Variants in IDS observed in about 807,000 individuals in gnomAD.
The protein encoded by IDS is iduronate 2-sulfatase, also known as alpha-L-iduronate sulfate sulfatase.
Under a neutral mutation model 33.5 loss-of-function variants are expected in IDS, and 1 was observed. The observed-to-expected ratio is 0.03, with a 90% CI of 0.01 to 0.14. The LOEUF is 0.14. Ranked by LOEUF, IDS falls within the 10% of genes least tolerant of loss-of-function variation. IDS has a pLI of 1.00. For synonymous variants in IDS, 191 were observed against 184.4 expected (o/e 1.04, Z -0.29); for missense variants, 328 against 448.0 (o/e 0.73, Z 2.42).
At chrX:149,490,089 C>T (rs2089375978) in intron 7 of IDS, among the ~76,000 whole-genome samples, 1 of 108,013 alleles carries the variant, frequency 9.3e-6, no homozygotes, top group Admixed American at 9.9e-5. Flanking sequence ...AAAGTTGCTG[C>T]AAGACCCTCC....
chrX:149,484,385 C>T (rs1557337793), intron 8 of IDS, among the ~76,000 whole-genome samples: 1 of 112,415 alleles, frequency 8.9e-6, no homozygotes, highest in East Asian at 2.8e-4. Context: ...GGCGCAATCT[C>T]GGCTCAGCTC....
Position 149,481,476 on chromosome X carries a change from C to T in IDS, c.*1270G>A, listed in dbSNP as rs919435433. The T allele has an allele frequency of 4.4e-5, 5 of 112,431 alleles. No homozygotes were observed. Among genetic ancestry groups the T allele is most frequent in the Admixed American group, 9.4e-5 (1 of 10,620 alleles). 9.3% of individuals were successfully genotyped at this position (112,431 alleles called of 1,213,427 possible). A position where few individuals can be genotyped will look rare whatever the true frequency, so the allele number is the denominator to read the frequency against. ...TGTTTCACAAATATTTACCTGGAAA[C>T]ACTGGAGACTTTGTAAAGAGAAAAT... On this transcript the variant is annotated 3_prime_UTR_variant, in exon 9 of 9. Transcript: ENST00000340855.
chrX:149,500,874 T>C (rs1476787674), intron 4 of IDS, 75 bp downstream of exon 4: 2 of 644,619 alleles, frequency 3.1e-6, no homozygotes, highest in Non-Finnish European at 5.3e-6. Context: ...TCACAGAACA[T>C]GCAGTATACC....
chrX:149,499,545 G>A (rs2089463124), intron 4 of IDS, among the ~76,000 whole-genome samples: 1 of 110,734 alleles, frequency 9.0e-6, no homozygotes, highest in Non-Finnish European at 1.9e-5. Flanking sequence ...TCCCACGCTG[G>A]GTGCTGAGAC....
rs375052388 is a variant in IDS, at chrX:149,487,337, A to C, written c.1007-239T>G. The C allele has an allele frequency of 2.1e-5, 23 of 1,098,716 alleles. No individual in the cohort carries two copies. The African/African-American group carries it at 3.8e-4, about 18-fold the overall frequency. The allele number at this position is 1,098,716 out of a possible 1,213,427, so 90.5% of individuals were successfully genotyped here. A position where few individuals can be genotyped will look rare whatever the true frequency, so the allele number is the denominator to read the frequency against. ...ACCTTTAAAAAAGAAAAAATAATTA[A>C]ATTCCCAAACTCAAATATCTTAACA... On this transcript the variant is annotated intron_variant, in intron 7 of 8. Coordinates refer to ENST00000340855, the MANE Select transcript of IDS (RefSeq NM_000202.8).
At chrX:149,503,103 A>C in intron 3 of IDS, 1 of 1,132,064 alleles carries the variant, frequency 8.8e-7, no homozygotes, top group Non-Finnish European at 1.2e-6. Context: ...GGTTTCTGAA[A>C]GGAAGCAAAG....
In IDS at chrX:149,498,198, A is replaced by C. The variant is rs782301050; in HGVS notation, c.617T>G (p.Ile206Arg). 4 of 1,211,689 alleles carry C rather than the reference A, an allele frequency of 3.3e-6. No individual in the cohort carries two copies. In the South Asian group the frequency reaches 5.3e-5, roughly 16 times the overall value. ...LPDKQSTEQAIQLLEKMKTSA... is the reference protein window; with the variant it reads ...LPDKQSTEQARQLLEKMKTSA... ...CGTTTTCATCTTTTCCAACAACTGTATGGCTTGCTCAGTGCTCTGTTTGTC... is the reference window on the plus strand; with the variant it reads ...CGTTTTCATCTTTTCCAACAACTGTCTGGCTTGCTCAGTGCTCTGTTTGTC... Residue 206 changes from isoleucine to arginine, a missense_variant, in exon 5 of 9, where the codon ATA (isoleucine) becomes AGA (arginine). Around this residue, in one of 4 missense-constraint regions of IDS, gnomAD observed 265 missense variants for 339.2 expected, o/e 0.78. Coordinates refer to ENST00000340855, the MANE Select transcript of IDS (RefSeq NM_000202.8).
At chrX:149,504,336 C>G (rs1271301621) in intron 1 of IDS, 43 bp from the exon 2 acceptor site, 1 of 1,166,052 alleles carries the variant, frequency 8.6e-7, no homozygotes, top group African/African-American at 1.8e-5. Flanking sequence ...CCTGCACTGA[C>G]ACTGAACCCT....
In IDS at chrX:149,487,047, A is replaced by T; in HGVS notation, c.1058T>A (p.Val353Asp). 8.3e-7 allele frequency: 1 copy of T among 1,211,643 alleles called. No individual in the cohort carries two copies. Among genetic ancestry groups the T allele is most frequent in the Non-Finnish European group, 1.1e-6 (1 of 895,207 alleles). ...GEWAKYSNFDVATHVPLIFYV... is the reference protein window; with the variant it reads ...GEWAKYSNFDDATHVPLIFYV... ...GAATATCAGGGGAACATGGGTAGCA[A>T]CATCAAAATTGCTGTATTTGGCCCA... is the stretch of plus-strand genomic sequence containing the variant. Residue 353 changes from valine to aspartate, a missense_variant, in exon 8 of 9, where the codon GTT becomes GAT. This residue lies in a region of IDS where 265 missense variants were observed against 339.2 expected (regional missense o/e 0.78). Transcript: ENST00000340855.
intron 8 of IDS, among the ~76,000 whole-genome samples, chrX:149,484,216 T>C (rs1019170594): frequency 1.8e-5 from 2 of 112,530 alleles, no homozygotes; most frequent in Non-Finnish European, 3.8e-5. Flanking sequence ...ACTCTGAGGA[T>C]CCACCAAATT....
At chrX:149,484,568 C>T (rs1441221470) in intron 8 of IDS, among the ~76,000 whole-genome samples, 2 of 112,876 alleles carry the variant, frequency 1.8e-5, no homozygotes, top group Non-Finnish European at 3.7e-5. Flanking sequence ...GATCCGCCCA[C>T]CTTGGCCTCC....
Position 149,482,662 on chromosome X carries a change from T to C in IDS, c.*84A>G. ...CTCAGGCTGCTTCCAATATTATGGGTAATCACAAAACGACCAGCTCTAACT... is the reference window on the plus strand; with the variant it reads ...CTCAGGCTGCTTCCAATATTATGGGCAATCACAAAACGACCAGCTCTAACT... On this transcript the variant is annotated 3_prime_UTR_variant, in exon 9 of 9. Transcript: ENST00000340855. The C allele has an allele frequency of 8.4e-7, 1 of 1,187,448 alleles. No homozygotes were observed. The highest frequency in any genetic ancestry group is 1.1e-6 in the Non-Finnish European group (1 of 884,115).
At position 149,500,575 on chromosome X, in the gene IDS, C is replaced by T. The variant is rs868959461; in HGVS notation, c.507+374G>A. On this transcript the variant is annotated intron_variant, in intron 4 of 8. Coordinates refer to ENST00000340855, the MANE Select transcript of IDS (RefSeq NM_000202.8). Reference sequence around the variant, plus strand: ...ACACATTAGGTCAGAGACAGATACACGGCATGCCTTTCTCCCATTCTGGGC... The same window carrying T: ...ACACATTAGGTCAGAGACAGATACATGGCATGCCTTTCTCCCATTCTGGGC... 3.6e-5 allele frequency among the ~76,000 whole-genome samples: 4 copies of T among 112,186 alleles called. No individual in the cohort carries two copies. In the East Asian group the frequency reaches 8.3e-4, roughly 23 times the overall value.
At chrX:149,497,506 T>C (rs1163008754) in intron 5 of IDS, among the ~76,000 whole-genome samples, 1 of 112,357 alleles carries the variant, frequency 8.9e-6, no homozygotes, top group Non-Finnish European at 1.9e-5. Context: ...TGGTCTCTAC[T>C]CTCATTACAT....
chrX:149,496,661 C>A, intron 5 of IDS, 145 bp from the exon 6 acceptor site: 1 of 573,341 alleles, frequency 1.7e-6, no homozygotes, highest in Non-Finnish European at 2.9e-6. Flanking sequence ...CGTGCTCGGC[C>A]CTGACCTGGA....
chrX:149,479,811 T>C lies in IDS; in HGVS notation c.*2935A>G, dbSNP rs1373891256. 2 of 116,650 alleles carry C rather than the reference T, an allele frequency of 1.7e-5. No individual in the cohort carries two copies. Among genetic ancestry groups the C allele is most frequent in the African/African-American group, 6.4e-5 (2 of 31,040 alleles). 9.6% of individuals were successfully genotyped at this position (116,650 alleles called of 1,213,427 possible). Reference sequence around the variant, plus strand: ...ATTATATGGCAATTTTGTGGTAAAATATTCATGTATTTGTGCTGCATTTCT... The same window carrying C: ...ATTATATGGCAATTTTGTGGTAAAACATTCATGTATTTGTGCTGCATTTCT... On this transcript the variant is annotated 3_prime_UTR_variant, in exon 9 of 9. Transcript: ENST00000340855.
intron 3 of IDS, chrX:149,503,086 C>T: frequency 8.9e-7 from 1 of 1,120,257 alleles, no homozygotes; most frequent in Non-Finnish European, 1.2e-6. Flanking sequence ...AACAGCACAC[C>T]CTCAGTGGTT....
intron 3 of IDS, 36 bp from the exon 4 acceptor site, chrX:149,501,073 G>T: frequency 2.4e-6 from 2 of 835,111 alleles, no homozygotes; most frequent in Non-Finnish European, 3.6e-6. Context: ...AACATGATGA[G>T]TCTTTCAACA....
chrX:149,491,565 G>A, intron 6 of IDS: 1 of 985,046 alleles, frequency 1.0e-6, no homozygotes, highest in South Asian at 1.9e-5. Context: ...CAAGAGAAAA[G>A]ATATACATCT....
Sources: allele counts gnomAD v4.1 joint callset (sites outside exome capture counted in the v4.1 genomes callset), GRCh38; gene constraint gnomAD v4.1.1; regional missense constraint gnomAD v4.1.1; transcripts MANE v1.5; gene names NCBI Gene and HGNC (gene_info 2026-07-23, HGNC 2026-07-21).